The following RABGAP1 variants were observed in gnomAD, a reference collection of about 807,000 sequenced individuals.
RABGAP1 encodes rab GTPase-activating protein 1.
A neutral mutation model predicts 137.6 loss-of-function variants in RABGAP1; 23 were observed. The observed-to-expected ratio is 0.17, with a 90% confidence interval of 0.12 to 0.24. The LOEUF is 0.24. Among genes scored for constraint, RABGAP1 ranks in the 10% least tolerant of loss-of-function variants. The pLI, the probability that RABGAP1 is intolerant of heterozygous loss-of-function variation, is 1.00. For synonymous variants in RABGAP1, 451 were observed against 450.7 expected (o/e 1.00, Z -0.01); for missense variants, 906 against 1,275.8 (o/e 0.71, Z 4.42).
chr9:122,967,863 A>T (rs1012097870), intron 2 of RABGAP1, among the ~76,000 whole-genome samples: 1 of 151,794 alleles, frequency 6.6e-6, no homozygotes, highest in Non-Finnish European at 1.5e-5. Flanking sequence ...AGTAGCTGGG[A>T]TCACAAGCAC....
chr9:122,962,624 GC>G (rs1258386900), intron 2 of RABGAP1, among the ~76,000 whole-genome samples: 1 of 152,010 alleles, frequency 6.6e-6, no homozygotes, highest in African/African-American at 2.4e-5. Context: ...AAATGTAAAT[GC>G]TATATTAGAA....
intron 13 of RABGAP1, chr9:123,034,993 C>G: frequency 6.2e-7 from 1 of 1,613,558 alleles, no homozygotes; most frequent in Non-Finnish European, 8.5e-7. Context: ...TCTGGTTACA[C>G]CCTGGAGACT....
intron 1 of RABGAP1, among the ~76,000 whole-genome samples, chr9:122,954,880 C>G (rs1006553144): frequency 6.6e-6 from 1 of 152,132 alleles, no homozygotes; most frequent in African/African-American, 2.4e-5. Flanking sequence ...CACCATCTCT[C>G]TAAGACTTAA....
chr9:123,015,800 G>A (rs1660802319), intron 12 of RABGAP1, among the ~76,000 whole-genome samples, 164 bp downstream of exon 12: 1 of 152,168 alleles, frequency 6.6e-6, no homozygotes, highest in African/African-American at 2.4e-5. Context: ...GTAGAGAATT[G>A]AAATCAATTT....
intron 11 of RABGAP1, among the ~76,000 whole-genome samples, chr9:123,011,602 C>A (rs1468123655): frequency 6.6e-6 from 1 of 152,136 alleles, no homozygotes; most frequent in East Asian, 1.9e-4. Context: ...AATTACTGTG[C>A]TTAATATAAT....
At chr9:122,972,795 G>A (rs1002292820) in intron 2 of RABGAP1, among the ~76,000 whole-genome samples, 2 of 152,112 alleles carry the variant, frequency 1.3e-5, no homozygotes, top group East Asian at 1.9e-4. Flanking sequence ...AATGCTTTAC[G>A]TAAGCCCTTT....
chr9:123,060,894 T>C (rs375730279), intron 13 of RABGAP1, among the ~76,000 whole-genome samples: 6 of 152,336 alleles, frequency 3.9e-5, no homozygotes, highest in South Asian at 2.1e-4. Context: ...CAAAGAGATA[T>C]ACATTTCAAG....
At chr9:123,081,391 C>A (rs1343056243) in intron 19 of RABGAP1, among the ~76,000 whole-genome samples, 2 of 152,102 alleles carry the variant, frequency 1.3e-5, no homozygotes, top group Non-Finnish European at 2.9e-5. Flanking sequence ...AATATTTTGC[C>A]TCACATGCCA....
intron 11 of RABGAP1, among the ~76,000 whole-genome samples, chr9:123,012,015 A>C (rs993493758): frequency 6.6e-6 from 1 of 152,224 alleles, no homozygotes; most frequent in Non-Finnish European, 1.5e-5. Flanking sequence ...AATTTGCCCA[A>C]GGTTACACAG....
At chr9:123,022,033 A>G (rs1022399997) in intron 13 of RABGAP1, among the ~76,000 whole-genome samples, 3 of 152,246 alleles carry the variant, frequency 2.0e-5, no homozygotes, top group African/African-American at 7.2e-5. Context: ...CTGAAGAATA[A>G]GGTTATATAA....
intron 17 of RABGAP1, among the ~76,000 whole-genome samples, chr9:123,075,810 C>A (rs1216711809): frequency 6.6e-6 from 1 of 152,116 alleles, no homozygotes; most frequent in African/African-American, 2.4e-5. Context: ...TTCTTAGCCC[C>A]AGGATTTGCA....
intron 13 of RABGAP1, among the ~76,000 whole-genome samples, chr9:123,030,173 T>C (rs150660788): frequency 7.4e-4 from 113 of 152,052 alleles, no homozygotes; most frequent in African/African-American, 2.6e-3. Flanking sequence ...TCTTGTTCTG[T>C]AAGAGGTTTT....
chr9:122,989,109 C>G (rs1836527044), intron 4 of RABGAP1, among the ~76,000 whole-genome samples, 188 bp from the exon 5 acceptor site: 1 of 152,082 alleles, frequency 6.6e-6, no homozygotes, highest in South Asian at 2.1e-4. Flanking sequence ...GTTTTTAGTA[C>G]TATGGAATTA....
At chr9:122,939,750 G>C (rs1298071241), upstream of RABGAP1, 2 of 152,146 alleles carry the variant, frequency 1.3e-5, no homozygotes, top group Non-Finnish European at 2.9e-5. Context: ...TGGATATTTT[G>C]TAACTGTATA....
At chr9:123,060,678 CAT>C (rs1264683256) in intron 13 of RABGAP1, among the ~76,000 whole-genome samples, 3 of 152,178 alleles carry the variant, frequency 2.0e-5, no homozygotes, top group Non-Finnish European at 2.9e-5. Flanking sequence ...TAGCCAGTCT[CAT>C]GTGTGTCAGT....
intron 13 of RABGAP1, among the ~76,000 whole-genome samples, chr9:123,033,347 C>G (rs910848345): frequency 6.6e-6 from 1 of 152,140 alleles, no homozygotes; most frequent in African/African-American, 2.4e-5. Context: ...TGTTCTGTTA[C>G]TACCCCTTCT....
intron 1 of RABGAP1, among the ~76,000 whole-genome samples, chr9:122,951,503 A>G (rs1426959065): frequency 6.6e-6 from 1 of 152,126 alleles, no homozygotes; most frequent in Non-Finnish European, 1.5e-5. Context: ...AAGAGGTTTT[A>G]TCATGGCCAG....
At chr9:123,025,430 A>C (rs1357137628) in intron 13 of RABGAP1, among the ~76,000 whole-genome samples, 2 of 152,052 alleles carry the variant, frequency 1.3e-5, no homozygotes, top group African/African-American at 2.4e-5. Context: ...TCACCCTATA[A>C]GGTTATGTGG....
intron 10 of RABGAP1, among the ~76,000 whole-genome samples, chr9:123,009,525 C>A (rs2030608282): frequency 6.6e-6 from 1 of 152,080 alleles, no homozygotes; most frequent in African/African-American, 2.4e-5. Context: ...TCCTATAGCT[C>A]TCCCTTTTTA....
Sources: gnomAD v4.1 joint callset for allele counts (sites outside exome capture counted in the v4.1 genomes callset) on GRCh38, gnomAD v4.1.1 for gene constraint, MANE v1.5 for transcripts, NCBI Gene and HGNC (gene_info 2026-07-23, HGNC 2026-07-21) for gene names.